The following NEK1 variants were observed in gnomAD, a reference collection of about 807,000 sequenced individuals.
NEK1 encodes the protein NIMA related kinase 1, also known as serine/threonine-protein kinase Nek1.
Under a neutral mutation model 182.1 loss-of-function variants are expected in NEK1, and 137 were observed. The ratio of observed to expected loss-of-function variants is 0.75; its 90% CI spans 0.65 to 0.87. The LOEUF is 0.87. Ranked by LOEUF, NEK1 falls within the 40% of genes least tolerant of loss-of-function variation. NEK1 has a pLI of 0.00. For missense variants in NEK1, 1,391 were observed against 1,494.4 expected, an observed-to-expected ratio of 0.93 and a Z score of 1.14; for synonymous variants, 513 against 492.2, an observed-to-expected ratio of 1.04 and a Z score of -0.56.
chr4:169,558,934 G>A (rs1234493192), intron 16 of NEK1, among the ~76,000 whole-genome samples: 2 of 151,994 alleles, frequency 1.3e-5, no homozygotes, highest in Non-Finnish European at 1.5e-5. Flanking sequence ...ATGATACTGA[G>A]CCTCCAGGTC....
intron 10 of NEK1, among the ~76,000 whole-genome samples, chr4:169,582,055 C>T (rs1216746432): frequency 2.0e-5 from 3 of 151,924 alleles, no homozygotes; most frequent in Non-Finnish European, 4.4e-5. Context: ...CTCCTTACTC[C>T]ATATTTTTCT....
rs1759078371 is a variant in NEK1 at position 169,539,647 on chromosome 4, T to C, written c.1563-1736A>G. Among the ~76,000 whole-genome samples the C allele has an allele frequency of 2.0e-5, 3 of 152,062 alleles. No individual in the cohort carries two copies. The South Asian group carries it at 6.2e-4, about 31-fold the overall frequency. On this transcript the variant is annotated intron_variant, in intron 18 of 35. Transcript: ENST00000507142. ...GGTAAGGCTGTATTCTGTTTTGCTA[T>C]AGCCCGTCTACGTAAGGCTAGGCCT... is the stretch of plus-strand genomic sequence containing the variant.
rs753918010 is a variant in NEK1 at position 169,555,729 on chromosome 4, T to C, written c.1553A>G (p.Asn518Ser). ...KRLKAVSKQA[N>S]ANRQKGQLAV... The stretch of plus-strand genomic sequence containing the variant: ...ATCATCACAGTCCAACCTGTTTGCA[T>C]TGGCTTGTTTAGACACCGCCTTCAA... Residue 518 changes from asparagine (N) to serine (S), a missense_variant, in exon 18 of 36, where the codon AAT becomes AGT. Transcript: ENST00000507142. The C allele has an allele frequency of 2.3e-5, 37 of 1,613,832 alleles. No homozygotes were observed. Among genetic ancestry groups the C allele is most frequent in the East Asian group, 4.5e-5 (2 of 44,872 alleles).
intron 6 of NEK1, 86 bp from the exon 7 acceptor site, chr4:169,589,600 A>C: frequency 1.1e-6 from 1 of 908,192 alleles, no homozygotes; most frequent in Admixed American, 3.1e-5. Flanking sequence ...TTTAAAATCC[A>C]GTTAAAAAAA....
At chr4:169,435,103 G>A (rs1377980651) in intron 28 of NEK1, among the ~76,000 whole-genome samples, 3 of 152,192 alleles carry the variant, frequency 2.0e-5, no homozygotes, top group Non-Finnish European at 4.4e-5. Flanking sequence ...TAGACTGGGT[G>A]GTGTAAATAA....
At chr4:169,428,374 T>TATATATATATATATATATA (rs1328733911) in intron 29 of NEK1, among the ~76,000 whole-genome samples, 3 of 24,432 alleles carry the variant, frequency 1.2e-4, no homozygotes, top group East Asian at 3.1e-3. Context: ...ATATATATAA[T>TATATATATATATATATATA]GGAATATTAT....
chr4:169,465,796 C>T (rs1334761122), intron 26 of NEK1, among the ~76,000 whole-genome samples: 1 of 152,110 alleles, frequency 6.6e-6, no homozygotes, highest in East Asian at 1.9e-4. Context: ...TAGATTGCTG[C>T]TTTGTTCCAA....
rs1289347953 is a variant in NEK1 at position 169,497,027 on chromosome 4, C to G, written c.2007+10010G>C. Among the ~76,000 whole-genome samples, 4 of 152,312 alleles carry G rather than the reference C, an allele frequency of 2.6e-5. No individual in the cohort carries two copies. The South Asian group carries it at 6.2e-4, about 24-fold the overall frequency. On this transcript the variant is annotated intron_variant, in intron 23 of 35. Transcript: ENST00000507142. ...TGGTAGAATTCGGCTGTGAATCCAT[C>G]TGGTCCTGGATTTCTTTTGGTGGGT...
intron 12 of NEK1, among the ~76,000 whole-genome samples, chr4:169,562,399 T>C (rs1763053501): frequency 6.6e-6 from 1 of 152,102 alleles, no homozygotes; most frequent in Non-Finnish European, 1.5e-5. Flanking sequence ...AAAGAAACTG[T>C]GGAAAAGGGT....
chr4:169,605,026 G>A (rs968594775), intron 2 of NEK1, among the ~76,000 whole-genome samples: 5 of 150,264 alleles, frequency 3.3e-5, no homozygotes, highest in Non-Finnish European at 5.9e-5. Flanking sequence ...ACATTACTAT[G>A]CTACTTACAA....
chr4:169,608,702 A>C (rs962365401), intron 2 of NEK1, among the ~76,000 whole-genome samples: 1 of 152,242 alleles, frequency 6.6e-6, no homozygotes, highest in Non-Finnish European at 1.5e-5. Context: ...GTTAAACGTT[A>C]ACACTGAGAA....
intron 23 of NEK1, among the ~76,000 whole-genome samples, chr4:169,502,287 A>G (rs1219098016): frequency 6.6e-6 from 1 of 151,658 alleles, no homozygotes; most frequent in African/African-American, 2.4e-5. Flanking sequence ...CCTGGACCAG[A>G]TAGATTCACA....
intron 31 of NEK1, among the ~76,000 whole-genome samples, chr4:169,419,343 A>G (rs1245095067): frequency 6.6e-6 from 1 of 152,192 alleles, no homozygotes; most frequent in Non-Finnish European, 1.5e-5. Context: ...TCTGAAAAAA[A>G]AAATCATCAT....
Position 169,592,311 on chromosome 4 carries a change from A to C in NEK1, c.313-1502T>G, listed in dbSNP as rs538968776. On this transcript the variant is annotated intron_variant, in intron 5 of 35. Coordinates refer to ENST00000507142, the MANE Select transcript of NEK1 (RefSeq NM_001199397.3). ...ACTGTTAGCCAGAACCCAAAAATAT[A>C]AACAACCTGAATGTTCATCAAGGGG... 1.3e-4 allele frequency among the ~76,000 whole-genome samples: 20 copies of C among 152,294 alleles called. No individual in the cohort carries two copies. The South Asian group carries it at 3.1e-3, about 24-fold the overall frequency.
At chr4:169,488,662 C>G (rs2149596101) in intron 23 of NEK1, among the ~76,000 whole-genome samples, 1 of 152,098 alleles carries the variant, frequency 6.6e-6, no homozygotes, top group Non-Finnish European at 1.5e-5. Flanking sequence ...GAAAATGCAC[C>G]AACATACATA....
chr4:169,545,773 G>C (rs1447234533), intron 18 of NEK1, among the ~76,000 whole-genome samples: 1 of 151,988 alleles, frequency 6.6e-6, no homozygotes, highest in East Asian at 1.9e-4. Flanking sequence ...TCTCATAGTG[G>C]TTTTGATTTG....
In NEK1 at chr4:169,422,928, C is replaced by A. The variant is rs370863795; in HGVS notation, c.3222+1625G>T. Among the ~76,000 whole-genome samples the A allele has an allele frequency of 1.2e-4, 18 of 152,220 alleles. No individual in the cohort carries two copies. In the South Asian group the frequency reaches 3.7e-3, roughly 32 times the overall value. On this transcript the variant is annotated intron_variant, in intron 31 of 35. Coordinates refer to ENST00000507142, the MANE Select transcript of NEK1 (RefSeq NM_001199397.3). ...TTGTATGATAGTCCTTATCTATAGG[C>A]CTTTCTCTCTAACTCTGAAGATCAT...
At chr4:169,475,737 T>A (rs1336029863) in intron 26 of NEK1, among the ~76,000 whole-genome samples, 1 of 152,146 alleles carries the variant, frequency 6.6e-6, no homozygotes, top group African/African-American at 2.4e-5. Flanking sequence ...TCAAAAAAGT[T>A]AAGTAGAGAC....
rs756685207 is a variant in NEK1, at chr4:169,577,040, A to T, written c.908T>A (p.Met303Lys). ...PASGQNSISV[M>K]PAQKITKPAA... ...AGGCTTTGTAATTTTCTGAGCAGGC[A>T]TAACAGAAATCGAGTTTTGTCCTGA... The change falls in exon 12 of 36, where the codon ATG (methionine) becomes AAG (lysine). Residue 303 changes from methionine to lysine, a missense_variant. Coordinates refer to ENST00000507142, the MANE Select transcript of NEK1 (RefSeq NM_001199397.3). 1.9e-6 allele frequency: 3 copies of T among 1,613,732 alleles called. No homozygotes were observed. The highest frequency in any genetic ancestry group is 2.5e-6 in the Non-Finnish European group (3 of 1,179,754).
Sources: gnomAD v4.1 joint callset for allele counts (sites outside exome capture counted in the v4.1 genomes callset) on GRCh38, gnomAD v4.1.1 for gene constraint, MANE v1.5 for transcripts, NCBI Gene and HGNC (gene_info 2026-07-23, HGNC 2026-07-21) for gene names.